The following CHD5 variants were observed in gnomAD, a reference collection of about 807,000 sequenced individuals.
The protein encoded by CHD5 is chromodomain helicase DNA binding protein 5, also known as ATP-dependent chromatin remodeler CHD5.
Under a neutral mutation model 230.3 loss-of-function variants are expected in CHD5, and 69 were observed. The ratio of observed to expected loss-of-function variants is 0.30; its 90% CI spans 0.25 to 0.37. CHD5 has a LOEUF of 0.37. Ranked by LOEUF, CHD5 falls within the 10% of genes least tolerant of loss-of-function variation. CHD5 has a pLI of 1.00. For synonymous variants in CHD5, 1,064 were observed against 1,065.9 expected, an observed-to-expected ratio of 1.00 and a Z score of 0.03; for missense variants, 1,827 against 2,622.8, an observed-to-expected ratio of 0.70 and a Z score of 6.63.
intron 1 of CHD5, among the ~76,000 whole-genome samples, chr1:6,177,301 G>A (rs576301111): frequency 6.6e-6 from 1 of 152,312 alleles, no homozygotes; most frequent in Non-Finnish European, 1.5e-5. Context: ...TGAGTGGGGG[G>A]CCAGCAGTGC....
intron 31 of CHD5, among the ~76,000 whole-genome samples, chr1:6,123,719 G>A (rs916371021): frequency 3.9e-5 from 6 of 152,074 alleles, no homozygotes; most frequent in East Asian, 3.9e-4. Flanking sequence ...GTGAGCCACC[G>A]CGCCCAGCCA....
At position 6,123,970 on chromosome 1, in the gene CHD5, C is replaced by T. The variant is rs372054471; in HGVS notation, c.4677G>A (p.Leu1559=). The change falls in exon 31 of 42, where the codon CTG becomes CTA. Residue 1559 remains leucine, a synonymous_variant. Coordinates refer to ENST00000262450, the MANE Select transcript of CHD5 (RefSeq NM_015557.3). ...GACCTGGCAGGCCCAGCGGGGCTGG[C>T]AGGAGGTGGGCAGGGCTGGCGGGCA... ...TPVPASPAHL[L]PAPLGLPDKM... is the part of the protein sequence containing the mutation. 3.6e-5 allele frequency: 57 copies of T among 1,592,918 alleles called. No individual in the cohort carries two copies. Among genetic ancestry groups the T allele is most frequent in the Non-Finnish European group, 4.4e-5 (52 of 1,172,272 alleles).
At chr1:6,122,747 G>A (rs1051270138) in intron 31 of CHD5, among the ~76,000 whole-genome samples, 4 of 152,194 alleles carry the variant, frequency 2.6e-5, no homozygotes, top group Non-Finnish European at 4.4e-5. Flanking sequence ...CAGCGCAATG[G>A]ATAAGCAAAA....
rs767297397 is a variant in CHD5 at position 6,125,622 on chromosome 1, A to C, written c.4172-10T>G. 13 of 1,612,396 alleles carry C rather than the reference A, an allele frequency of 8.1e-6. No homozygotes were observed. On this transcript the variant is annotated splice_polypyrimidine_tract_variant and intron_variant, in intron 27 of 41. Transcript: ENST00000262450. This position sits in a 1 kb window ranked among gnomAD's most constrained non-coding sequence, Gnocchi z 6.7. ...GATTGTCGTCGTCCACCTGGGGAGC[A>C]GCCCGCCACAGTTCCTCAGGTGGGA...
At position 6,122,258 on chromosome 1, in the gene CHD5, G is replaced by A. The variant is rs537937493; in HGVS notation, c.4700-685C>T. Among the ~76,000 whole-genome samples the A allele has an allele frequency of 4.6e-5, 7 of 152,340 alleles. No homozygotes were observed. The South Asian group carries it at 1.4e-3, about 32-fold the overall frequency. ...CAACCGACGGACCAAGTACTTAACA[G>A]GTATTTGCTTCACCCAAATAAATAC... On this transcript the variant is annotated intron_variant, in intron 31 of 41. Coordinates refer to ENST00000262450, the MANE Select transcript of CHD5 (RefSeq NM_015557.3).
intron 20 of CHD5, among the ~76,000 whole-genome samples, chr1:6,133,714 C>T (rs1303958541): frequency 6.6e-6 from 1 of 152,240 alleles, no homozygotes; most frequent in Admixed American, 6.5e-5. Flanking sequence ...AATGAACACA[C>T]CTGAGCCGGC....
In CHD5 at chr1:6,159,894, G is replaced by C. The variant is rs116329284; in HGVS notation, c.208-379C>G. Reference sequence around the variant, plus strand: ...ATCATTGGGCTTCTATGGACTTTGGGGGCTGAATTAGTTTTACATGATGAG... The same window carrying C: ...ATCATTGGGCTTCTATGGACTTTGGCGGCTGAATTAGTTTTACATGATGAG... On this transcript the variant is annotated intron_variant, in intron 2 of 41. Transcript: ENST00000262450. 7.6e-3 allele frequency among the ~76,000 whole-genome samples: 1,164 copies of C among 152,380 alleles called. 15 individuals carry two copies. Among genetic ancestry groups the C allele is most frequent in the African/African-American group, 0.026 (1,095 of 41,588 alleles).
At chr1:6,161,635 C>T (rs997622718) in intron 2 of CHD5, among the ~76,000 whole-genome samples, 3 of 152,208 alleles carry the variant, frequency 2.0e-5, no homozygotes, top group African/African-American at 4.8e-5. Flanking sequence ...GGAGCCACGG[C>T]TCCCAAGCTC....
intron 33 of CHD5, among the ~76,000 whole-genome samples, chr1:6,119,089 A>C (rs1666422854): frequency 6.6e-6 from 1 of 151,952 alleles, no homozygotes; most frequent in Non-Finnish European, 1.5e-5. Context: ...GGAATAGAAA[A>C]AGGCGTAACA....
At position 6,134,158 on chromosome 1, in the gene CHD5, A is replaced by C. The variant is rs1557547225; in HGVS notation, c.3114T>G (p.Asp1038Glu). ...LLQKMLKKLRDEGHRVLIFSQ... is the reference protein window; with the variant it reads ...LLQKMLKKLREEGHRVLIFSQ... ...AGAAGATGAGCACACGGTGCCCCTC[A>C]TCCCGCAGTTTCTTCAGCATCTTCT... is the stretch of plus-strand genomic sequence containing the variant. The change falls in exon 20 of 42, where the codon GAT becomes GAG. Residue 1038 changes from aspartate to glutamate, a missense_variant. Around this residue, in one of 14 missense-constraint regions of CHD5, gnomAD observed 38 missense variants for 49.5 expected, o/e 0.77. Transcript: ENST00000262450. This position sits in a 1 kb window ranked among gnomAD's most constrained non-coding sequence, Gnocchi z 6.3. The C allele has an allele frequency of 6.2e-7, 1 of 1,613,690 alleles. No individual in the cohort carries two copies.
chr1:6,121,231 G>A lies in CHD5; in HGVS notation c.4786C>T (p.Pro1596Ser), dbSNP rs1666465395. The change falls in exon 33 of 42, where the codon CCA becomes TCA. Residue 1596 changes from proline to serine, a missense_variant. Pro to Ser is a moderately conservative substitution (Grantham distance 74, BLOSUM62 -1). Coordinates refer to ENST00000262450, the MANE Select transcript of CHD5 (RefSeq NM_015557.3). The surrounding 1 kb of genome is among the most constrained non-coding windows in gnomAD (Gnocchi z 4.5). The stretch of plus-strand genomic sequence containing the variant: ...CTCTCCACTCTATCCAAGGCGGCTG[G>A]AAGGGCCTGCAGAGGAAAAGCCAGG... ...PRQPLEVQAL[P>S]AALDRVESED... The A allele has an allele frequency of 6.2e-7, 1 of 1,610,700 alleles. No homozygotes were observed. Among genetic ancestry groups the A allele is most frequent in the Non-Finnish European group, 8.5e-7 (1 of 1,178,936 alleles).
intron 2 of CHD5, 139 bp from the exon 3 acceptor site, chr1:6,159,654 G>A (rs2100873103): frequency 1.4e-6 from 1 of 704,086 alleles, no homozygotes; most frequent in Non-Finnish European, 2.3e-6. Flanking sequence ...CATCATCAGA[G>A]GCCACTGCTC....
At position 6,156,000 on chromosome 1, in the gene CHD5, T is replaced by C. The variant is rs1218115497; in HGVS notation, c.388-283A>G. Among the ~76,000 whole-genome samples, 3 of 152,164 alleles carry C rather than the reference T, an allele frequency of 2.0e-5. No homozygotes were observed. Among genetic ancestry groups the C allele is most frequent in the African/African-American group, 7.2e-5 (3 of 41,436 alleles). ...GAGAGGCCATGTGTGTGCCCTGAAC[T>C]TCCAGAAAGGGAAATCAGCCAGGTG... is the stretch of plus-strand genomic sequence containing the variant. On this transcript the variant is annotated intron_variant, in intron 3 of 41. Transcript: ENST00000262450. This position sits in a 1 kb window ranked among gnomAD's most constrained non-coding sequence, Gnocchi z 4.0.
In CHD5 at chr1:6,121,375, C is replaced by A. The variant is rs1037183881; in HGVS notation, c.4779+119G>T. The A allele has an allele frequency of 1.6e-5, 24 of 1,499,092 alleles. No homozygotes were observed. The African/African-American group carries it at 2.8e-4, about 17-fold the overall frequency. The allele number at this position is 1,499,092 out of a possible 1,614,324, so 92.9% of individuals were successfully genotyped here. On this transcript the variant is annotated intron_variant, in intron 32 of 41. Transcript: ENST00000262450. The surrounding 1 kb of genome is among the most constrained non-coding windows in gnomAD (Gnocchi z 4.5). Reference sequence around the variant, plus strand: ...TAGCCTGCTCCCCGCCGATTCAGAGCCCCGAAAAGGGAGCCAGGAGGCCTG... The same window carrying A: ...TAGCCTGCTCCCCGCCGATTCAGAGACCCGAAAAGGGAGCCAGGAGGCCTG...
intron 33 of CHD5, among the ~76,000 whole-genome samples, chr1:6,114,864 A>G (rs933826404): frequency 6.6e-6 from 1 of 152,128 alleles, no homozygotes; most frequent in African/African-American, 2.4e-5. Context: ...AAATACAAAA[A>G]TTAGGCAGGT....
chr1:6,164,203 C>T (rs747896077), intron 2 of CHD5, among the ~76,000 whole-genome samples: 18 of 152,334 alleles, frequency 1.2e-4, no homozygotes, highest in African/African-American at 3.8e-4. Flanking sequence ...GCACACGCAC[C>T]GCATCTCCTA....
At chr1:6,135,208 C>A in intron 18 of CHD5, 22 bp downstream of exon 18, 1 of 1,613,684 alleles carries the variant, frequency 6.2e-7, no homozygotes, top group South Asian at 1.1e-5. Context: ...ACAGGCTGCT[C>A]CGGGGTCAGC....
At chr1:6,133,202 G>A (rs2100849791) in intron 20 of CHD5, among the ~76,000 whole-genome samples, 1 of 152,318 alleles carries the variant, frequency 6.6e-6, no homozygotes, top group Non-Finnish European at 1.5e-5. Flanking sequence ...CACATTTCTG[G>A]AAGCTGTGTG....
At chr1:6,149,792 C>T (rs1056840271) in intron 7 of CHD5, among the ~76,000 whole-genome samples, 6 of 140,156 alleles carry the variant, frequency 4.3e-5, no homozygotes, top group Admixed American at 1.4e-4. Context: ...GATGGATGGA[C>T]AAATGGATGG....
Sources: gnomAD v4.1 joint callset for allele counts (sites outside exome capture counted in the v4.1 genomes callset) on GRCh38, gnomAD v4.1.1 for gene constraint, gnomAD v4.1.1 regional missense constraint, Gnocchi (gnomAD v3.1) non-coding constraint, MANE v1.5 for transcripts, NCBI Gene and HGNC (gene_info 2026-07-23, HGNC 2026-07-21) for gene names.